Variants in NFX1 observed in about 807,000 individuals in gnomAD.
NFX1 encodes transcriptional repressor NF-X1.
NFX1 carries 69 observed loss-of-function variants against 137.2 expected under a neutral mutation model. The observed-to-expected ratio is 0.50, with a 90% confidence interval of 0.41 to 0.61. The LOEUF (loss-of-function observed/expected upper bound fraction) is 0.61, where lower values mean the gene tolerates loss of function less well. Ranked by LOEUF, NFX1 falls within the 20% of genes least tolerant of loss-of-function variation. The pLI, the probability that NFX1 is intolerant of heterozygous loss-of-function variation, is 0.00. For missense variants in NFX1, 1,167 were observed against 1,391.0 expected, an observed-to-expected ratio of 0.84 and a Z score of 2.56; for synonymous variants, 495 against 474.1, an observed-to-expected ratio of 1.04 and a Z score of -0.57.
chr9:33,297,135 A>C (rs1821385250), intron 2 of NFX1, among the ~76,000 whole-genome samples: 1 of 152,118 alleles, frequency 6.6e-6, no homozygotes, highest in African/African-American at 2.4e-5. Flanking sequence ...CCTTACTGCA[A>C]ATCAGCTTTT....
At chr9:33,292,842 G>A (rs890372191) in intron 1 of NFX1, among the ~76,000 whole-genome samples, 2 of 144,336 alleles carry the variant, frequency 1.4e-5, no homozygotes, top group Non-Finnish European at 3.1e-5. Context: ...TTCCAGTCTC[G>A]CTTTTTCAAG....
chr9:33,295,499 A>G, intron 2 of NFX1, 72 bp downstream of exon 2: 1 of 1,431,274 alleles, frequency 7.0e-7, no homozygotes, highest in Non-Finnish European at 9.3e-7. Flanking sequence ...ATATATTCAC[A>G]TAATTTAGAA....
intron 11 of NFX1, among the ~76,000 whole-genome samples, chr9:33,333,383 G>A (rs1394326735): frequency 6.6e-6 from 1 of 152,168 alleles, no homozygotes; most frequent in Non-Finnish European, 1.5e-5. Flanking sequence ...ACAAGTCCGA[G>A]ATTGGTTAAT....
chr9:33,357,286 T>A (rs1823843805), intron 19 of NFX1, among the ~76,000 whole-genome samples: 1 of 151,906 alleles, frequency 6.6e-6, no homozygotes, highest in East Asian at 1.9e-4. Flanking sequence ...TGGGCGACAG[T>A]GGGAGACTCC....
intron 3 of NFX1, among the ~76,000 whole-genome samples, chr9:33,301,872 G>A (rs1439308206): frequency 6.6e-6 from 1 of 152,174 alleles, no homozygotes; most frequent in Non-Finnish European, 1.5e-5. Flanking sequence ...AGAAGTTCAA[G>A]ATTAGCCTGG....
At chr9:33,340,667 T>C (rs1219919151) in intron 12 of NFX1, among the ~76,000 whole-genome samples, 1 of 152,212 alleles carries the variant, frequency 6.6e-6, no homozygotes, top group Non-Finnish European at 1.5e-5. Context: ...ATGCTCTGTT[T>C]CCCTTTTAAA....
chr9:33,363,930 G>T, intron 19 of NFX1, 80 bp from the exon 20 acceptor site: 2 of 833,004 alleles, frequency 2.4e-6, no homozygotes, highest in South Asian at 2.0e-5. Context: ...AAGAATTTAG[G>T]ATATAGTAGG....
At chr9:33,369,647 CTAAACTG>C (rs1182632198) in intron 23 of NFX1, among the ~76,000 whole-genome samples, 1 of 151,996 alleles carries the variant, frequency 6.6e-6, no homozygotes, top group African/African-American at 2.4e-5. Flanking sequence ...AAGGTTACCT[CTAAACTG>C]TAAAGTGTAA....
At chr9:33,367,732 G>A (rs990465418) in intron 23 of NFX1, 113 bp downstream of exon 23, 13 of 903,096 alleles carry the variant, frequency 1.4e-5, no homozygotes, top group Admixed American at 2.2e-5. Flanking sequence ...CCTGGCCTTG[G>A]GGTACCATGT....
rs1439909773 is a variant in NFX1 at position 33,351,674 on chromosome 9, C to T, written c.2539C>T (p.Leu847Phe). The T allele has an allele frequency of 6.2e-7, 1 of 1,614,138 alleles. No individual in the cohort carries two copies. The change falls in exon 16 of 24, where the codon CTT becomes TTT. Residue 847 changes from leucine to phenylalanine, a missense_variant. Physicochemically the swap from Leu to Phe is conservative, Grantham distance 22. Coordinates refer to ENST00000379540, the MANE Select transcript of NFX1 (RefSeq NM_002504.6). ...GAGACTCTGTCACAAAGGGGAGTGT[C>T]TTGTGGATGAGCCCTGCAAGCAGCC... Reference protein sequence around the residue: ...CQRLCHKGECLVDEPCKQPCT... With the variant: ...CQRLCHKGECFVDEPCKQPCT...
At chr9:33,318,627 G>A (rs1822263890) in intron 7 of NFX1, 104 bp from the exon 8 acceptor site, 8 of 1,042,970 alleles carry the variant, frequency 7.7e-6, no homozygotes, top group Admixed American at 1.9e-5. Flanking sequence ...AGGCATGAGC[G>A]ACTGTGCCAG....
rs761378780 is a variant in NFX1, at chr9:33,317,419, C to CAAAA, written c.1589-1299_1589-1296dup. 1.8e-3 allele frequency among the ~76,000 whole-genome samples: 98 copies of CAAAA among 53,152 alleles called. 3 individuals are homozygous for CAAAA. Among genetic ancestry groups the CAAAA allele is most frequent in the African/African-American group, 4.6e-3 (69 of 15,080 alleles). 34.9% of individuals were successfully genotyped at this position (53,152 alleles called of 152,430 possible). A position where few individuals can be genotyped will look rare whatever the true frequency, so the allele number is the denominator to read the frequency against. ...GGGTGACAAAGTGAGGCCCTGTCTCCAAAAAAAAAAAAAAAAGAAAGAAAG... is the reference window on the plus strand; with the variant it reads ...GGGTGACAAAGTGAGGCCCTGTCTCCAAAAAAAAAAAAAAAAAAAAGAAAGAAAG... On this transcript the variant is annotated intron_variant, in intron 7 of 23. Coordinates refer to ENST00000379540, the MANE Select transcript of NFX1 (RefSeq NM_002504.6).
intron 14 of NFX1, among the ~76,000 whole-genome samples, chr9:33,345,476 CA>C (rs1010467494): frequency 1.3e-4 from 19 of 142,904 alleles, no homozygotes; most frequent in Admixed American, 2.1e-4. Flanking sequence ...GACTCTGTCT[CA>C]AAAAAAAAAG....
Position 33,354,852 on chromosome 9 carries a change from CTGGAG to C in NFX1, c.2836_2840del (p.Glu946Ter). The C allele has an allele frequency of 6.2e-7, 1 of 1,613,426 alleles. No homozygotes were observed. Among genetic ancestry groups the C allele is most frequent in the Non-Finnish European group, 8.5e-7 (1 of 1,179,778 alleles). On this transcript the variant is annotated frameshift_variant and splice_region_variant, in exon 19 of 24. Transcript: ENST00000379540. LOFTEE classifies it high-confidence loss of function. ...ATTTTTTTTCATTTGCTTATCAAGG[CTGGAG>C]TGTGATGAGGAGTGTTCAGCCTTGG...
In NFX1 at chr9:33,313,679, G is replaced by C; in HGVS notation, c.1474G>C (p.Val492Leu). 1 of 1,614,162 alleles carries C rather than the reference G, an allele frequency of 6.2e-7. No individual in the cohort carries two copies. Among genetic ancestry groups the C allele is most frequent in the Admixed American group, 1.7e-5 (1 of 60,024 alleles). Residue 492 changes from valine (V) to leucine (L), a missense_variant, in exon 7 of 24, where the codon GTC (valine) becomes CTC (leucine). Transcript: ENST00000379540. ...GCACACAGTTCGCTGTGGTCAGGCTGTCTCAGTCCACTGTTCTAACCCATG... is the reference window on the plus strand; with the variant it reads ...GCACACAGTTCGCTGTGGTCAGGCTCTCTCAGTCCACTGTTCTAACCCATG... ...TRHTVRCGQA[V>L]SVHCSNPCEN...
intron 16 of NFX1, chr9:33,351,997 T>A (rs1024626564): frequency 2.0e-5 from 10 of 511,242 alleles, no homozygotes; most frequent in African/African-American, 7.8e-5. Flanking sequence ...AGGTACCCAC[T>A]GCCACCGGAC....
At chr9:33,311,650 T>G (rs1821964223) in intron 6 of NFX1, among the ~76,000 whole-genome samples, 2 of 152,088 alleles carry the variant, frequency 1.3e-5, no homozygotes, top group South Asian at 4.1e-4. Flanking sequence ...CTGCCTGGGT[T>G]CAAGCAATTC....
chr9:33,303,174 C>G lies in NFX1; in HGVS notation c.1193-17C>G. ...TGGAAGAAAATTTATTTGGCCTACT[C>G]CCATTTTTCCTGACAGATGGCCAGA... is the stretch of plus-strand genomic sequence containing the variant. On this transcript the variant is annotated splice_polypyrimidine_tract_variant and intron_variant, in intron 3 of 23. Coordinates refer to ENST00000379540, the MANE Select transcript of NFX1 (RefSeq NM_002504.6). 6.2e-7 allele frequency: 1 copy of G among 1,611,726 alleles called. No individual in the cohort carries two copies.
intron 1 of NFX1, among the ~76,000 whole-genome samples, chr9:33,292,684 A>T (rs1043668934): frequency 3.9e-5 from 6 of 151,972 alleles, no homozygotes; most frequent in African/African-American, 1.5e-4. Context: ...CCTCATGTCT[A>T]GTTGAACATA....
Sources: allele counts gnomAD v4.1 joint callset (sites outside exome capture counted in the v4.1 genomes callset), GRCh38; gene constraint gnomAD v4.1.1; transcripts MANE v1.5; gene names NCBI Gene and HGNC (gene_info 2026-07-23, HGNC 2026-07-21).